The following DGKB variants were observed in gnomAD, a reference collection of about 807,000 sequenced individuals.
DGKB encodes diacylglycerol kinase beta, also known as 90 kDa diacylglycerol kinase.
Under a neutral mutation model 114.3 loss-of-function variants are expected in DGKB, and 67 were observed. The ratio of observed to expected loss-of-function variants is 0.59; its 90% CI spans 0.48 to 0.72. The LOEUF is 0.72. Among genes scored for constraint, DGKB ranks in the 30% least tolerant of loss-of-function variants. DGKB has a pLI of 0.00. For missense variants in DGKB, 907 were observed against 975.2 expected (o/e 0.93, Z 0.93); for synonymous variants, 398 against 323.1 (o/e 1.23, Z -2.49).
chr7:14,364,599 C>A (rs1043080191), intron 21 of DGKB, among the ~76,000 whole-genome samples: 1 of 151,918 alleles, frequency 6.6e-6, no homozygotes, highest in Admixed American at 6.6e-5. Context: ...TATTAATAAG[C>A]TACTAGACTT....
chr7:14,598,437 A>T (rs572487309), intron 17 of DGKB, among the ~76,000 whole-genome samples: 1 of 152,370 alleles, frequency 6.6e-6, no homozygotes, highest in African/African-American at 2.4e-5. Flanking sequence ...ATACTAAATG[A>T]TTGCTTTGGG....
At chr7:14,255,247 C>A (rs1795794184) in intron 23 of DGKB, among the ~76,000 whole-genome samples, 1 of 152,050 alleles carries the variant, frequency 6.6e-6, no homozygotes, top group South Asian at 2.1e-4. Flanking sequence ...AAAACATTCC[C>A]ATTTAAGCCT....
At chr7:14,503,725 T>C (rs924201071) in intron 20 of DGKB, among the ~76,000 whole-genome samples, 109 of 152,126 alleles carry the variant, frequency 7.2e-4, no homozygotes, top group Admixed American at 3.3e-3. Context: ...CCAAAGACTA[T>C]ACAACAAAAT....
intron 1 of DGKB, among the ~76,000 whole-genome samples, chr7:14,912,351 G>A (rs36847): frequency 1 from 151,801 of 152,286 alleles, 75,661 homozygotes; most frequent in East Asian, 1. Context: ...TTTTGCATCA[G>A]GTAAGCAGAA....
chr7:14,606,601 A>T (rs565498748), intron 17 of DGKB, among the ~76,000 whole-genome samples: 3,006 of 135,408 alleles, frequency 0.022, 80 homozygotes, highest in African/African-American at 0.079. Context: ...CTTTTTTTTA[A>T]AAAAAAAAAA....
intron 13 of DGKB, among the ~76,000 whole-genome samples, chr7:14,662,103 C>G (rs889702250): frequency 6.6e-6 from 1 of 151,832 alleles, no homozygotes; most frequent in South Asian, 2.1e-4. Flanking sequence ...ATACCTAATG[C>G]TAGATGACGA....
chr7:14,297,214 C>A (rs1802736974), intron 23 of DGKB, among the ~76,000 whole-genome samples: 1 of 152,144 alleles, frequency 6.6e-6, no homozygotes, highest in Non-Finnish European at 1.5e-5. Context: ...GTGAGGCCAT[C>A]ATCATCCTGA....
chr7:14,901,524 T>A (rs1053141225), intron 1 of DGKB, among the ~76,000 whole-genome samples: 3 of 152,124 alleles, frequency 2.0e-5, no homozygotes, highest in African/African-American at 7.2e-5. Flanking sequence ...AAAAATGTAC[T>A]AATACAGTGT....
intron 1 of DGKB, among the ~76,000 whole-genome samples, chr7:14,868,296 T>C (rs1851966508): frequency 6.6e-6 from 1 of 151,900 alleles, no homozygotes; most frequent in Non-Finnish European, 1.5e-5. Flanking sequence ...TGCCACTTTT[T>C]TCTATAGTCA....
At chr7:14,957,342 G>A (rs987921593) in intron 1 of DGKB, among the ~76,000 whole-genome samples, 6 of 151,912 alleles carry the variant, frequency 3.9e-5, no homozygotes, top group Non-Finnish European at 7.4e-5. Flanking sequence ...TTTATTGTGT[G>A]GTACCAATGG....
chr7:14,427,086 G>A (rs1827687820), intron 21 of DGKB, among the ~76,000 whole-genome samples: 1 of 151,834 alleles, frequency 6.6e-6, no homozygotes, highest in African/African-American at 2.4e-5. Context: ...CACACACTGG[G>A]GCCTGTCAGG....
chr7:14,190,290 C>G lies in DGKB; in HGVS notation c.2123-12139G>C, dbSNP rs553968192. Among the ~76,000 whole-genome samples the G allele has an allele frequency of 3.3e-5, 5 of 152,210 alleles. No homozygotes were observed. In the South Asian group the frequency reaches 1.0e-3, roughly 32 times the overall value. Reference sequence around the variant, plus strand: ...AGTTAAACAACATCCTTTTAGATAACCAATGGGTCAGTGAGTAAGTTAAAA... The same window carrying G: ...AGTTAAACAACATCCTTTTAGATAAGCAATGGGTCAGTGAGTAAGTTAAAA... On this transcript the variant is annotated intron_variant, in intron 23 of 25. Transcript: ENST00000402815.
intron 20 of DGKB, among the ~76,000 whole-genome samples, chr7:14,550,867 A>C (rs1490545313): frequency 6.6e-6 from 1 of 152,210 alleles, no homozygotes; most frequent in East Asian, 1.9e-4. Flanking sequence ...GAAATAAAAG[A>C]AAATGAAATT....
intron 21 of DGKB, among the ~76,000 whole-genome samples, chr7:14,368,475 C>T (rs550696183): frequency 6.6e-6 from 1 of 152,034 alleles, no homozygotes; most frequent in Non-Finnish European, 1.5e-5. Flanking sequence ...CTAACAATAG[C>T]CAACATTAGC....
At chr7:14,449,812 G>A (rs953152544) in intron 21 of DGKB, among the ~76,000 whole-genome samples, 1 of 152,016 alleles carries the variant, frequency 6.6e-6, no homozygotes, top group Non-Finnish European at 1.5e-5. Flanking sequence ...AAAAGAATAA[G>A]AGCATTAACA....
chr7:14,334,173 A>G (rs922199360), intron 23 of DGKB, among the ~76,000 whole-genome samples: 2 of 152,102 alleles, frequency 1.3e-5, no homozygotes, highest in African/African-American at 4.8e-5. Flanking sequence ...ATGCAAAAGT[A>G]CCTGAATTTG....
At chr7:14,345,497 A>G in intron 21 of DGKB, 106 bp from the exon 22 acceptor site, 1 of 590,986 alleles carries the variant, frequency 1.7e-6, no homozygotes, top group Non-Finnish European at 3.0e-6. Context: ...AGGTCTGAGG[A>G]CATGTGACAT....
intron 23 of DGKB, among the ~76,000 whole-genome samples, chr7:14,328,649 A>G (rs1057435138): frequency 5.9e-5 from 9 of 152,180 alleles, no homozygotes; most frequent in East Asian, 1.9e-4. Context: ...CTTTGTAAAT[A>G]AAAGGATGAA....
At chr7:14,763,368 C>T (rs1201263631) in intron 2 of DGKB, among the ~76,000 whole-genome samples, 2 of 152,042 alleles carry the variant, frequency 1.3e-5, no homozygotes, top group African/African-American at 2.4e-5. Flanking sequence ...TTAATTATAG[C>T]TTGAATGCAT....
Sources: gnomAD v4.1 joint callset for allele counts (sites outside exome capture counted in the v4.1 genomes callset) on GRCh38, gnomAD v4.1.1 for gene constraint, MANE v1.5 for transcripts, NCBI Gene and HGNC (gene_info 2026-07-23, HGNC 2026-07-21) for gene names.